Variants in GABBR2 observed in about 807,000 individuals in gnomAD.
The protein encoded by GABBR2 is gamma-aminobutyric acid type B receptor subunit 2, also known as G-protein coupled receptor 51.
Under a neutral mutation model 105.6 loss-of-function variants are expected in GABBR2, and 23 were observed. The ratio of observed to expected loss-of-function variants is 0.22; its 90% CI spans 0.16 to 0.31. GABBR2 has a LOEUF of 0.31. GABBR2 is among the 10% of genes least tolerant of loss of function. The pLI, the probability that GABBR2 is intolerant of heterozygous loss-of-function variation, is 1.00. For synonymous variants in GABBR2, 478 were observed against 499.7 expected (o/e 0.96, Z 0.58); for missense variants, 734 against 1,245.5 (o/e 0.59, Z 6.18).
chr9:98,463,735 C>T (rs139377575), intron 6 of GABBR2, among the ~76,000 whole-genome samples: 6,051 of 152,076 alleles, frequency 0.04, 397 homozygotes, highest in African/African-American at 0.14. Context: ...CCTCGGGCTC[C>T]GGTGATTCTC....
intron 1 of GABBR2, among the ~76,000 whole-genome samples, chr9:98,593,268 A>G (rs1168377535): frequency 6.6e-6 from 1 of 152,176 alleles, no homozygotes; most frequent in Non-Finnish European, 1.5e-5. Context: ...CTCTGCACCC[A>G]TTAAACCCTG....
At chr9:98,380,798 A>G (rs887532260) in intron 11 of GABBR2, among the ~76,000 whole-genome samples, 11 of 152,178 alleles carry the variant, frequency 7.2e-5, no homozygotes, top group African/African-American at 2.4e-4. Context: ...GCACTCACAC[A>G]CGCACCCACC....
chr9:98,496,143 T>A, intron 4 of GABBR2: 1 of 470,492 alleles, frequency 2.1e-6, no homozygotes, highest in Non-Finnish European at 3.9e-6. Flanking sequence ...GTGCCCTGCT[T>A]GCCCCTGAGG....
chr9:98,430,204 C>T (rs900001306), intron 7 of GABBR2, among the ~76,000 whole-genome samples: 1 of 149,688 alleles, frequency 6.7e-6, no homozygotes, highest in South Asian at 2.1e-4. Flanking sequence ...GCAGGGGAAT[C>T]GCTTGAACCC....
rs56004009 is a variant in GABBR2 at position 98,318,919 on chromosome 9, GGT to G, written c.1894-7716_1894-7715del. On this transcript the variant is annotated intron_variant, in intron 13 of 18. Coordinates refer to ENST00000259455, the MANE Select transcript of GABBR2 (RefSeq NM_005458.8). ...TGTGTGTGTGTGTGTGTGTGTTGGGGGTGTGTGTGTGTGTGTGGTGTGTGTGT... is the reference window on the plus strand; with the variant it reads ...TGTGTGTGTGTGTGTGTGTGTTGGGGGTGTGTGTGTGTGTGGTGTGTGTGT... 9.1e-4 allele frequency among the ~76,000 whole-genome samples: 117 copies of G among 129,166 alleles called. 1 individual carries two copies. The highest frequency in any genetic ancestry group is 2.4e-3 in the South Asian group (9 of 3,768). The allele number at this position is 129,166 out of a possible 152,430, so 84.7% of individuals were successfully genotyped here. A position where few individuals can be genotyped will look rare whatever the true frequency, so the allele number is the denominator to read the frequency against.
rs550823073 is a variant in GABBR2, at chr9:98,502,330, A to G, written c.631-5816T>C. ...AGGGAGGCTGGTCCCCACTTCTGAG[A>G]AGGCCACAGTGCCACTCCACTGCAA... On this transcript the variant is annotated intron_variant, in intron 3 of 18. Coordinates refer to ENST00000259455, the MANE Select transcript of GABBR2 (RefSeq NM_005458.8). Among the ~76,000 whole-genome samples the G allele has an allele frequency of 5.3e-5, 8 of 152,220 alleles. No individual in the cohort carries two copies. In the South Asian group the frequency reaches 1.2e-3, roughly 24 times the overall value.
chr9:98,601,193 A>G (rs527925169), intron 1 of GABBR2, among the ~76,000 whole-genome samples: 1 of 152,346 alleles, frequency 6.6e-6, no homozygotes, highest in Admixed American at 6.5e-5. Context: ...TAGATTGTCA[A>G]ATTTTATTTT....
At chr9:98,560,412 CACACATAT>C (rs1828651563) in intron 2 of GABBR2, among the ~76,000 whole-genome samples, 2 of 102,598 alleles carry the variant, frequency 1.9e-5, no homozygotes, top group Admixed American at 1.0e-4. Flanking sequence ...TACACACACA[CACACATAT>C]ACACATACAC....
At chr9:98,484,795 G>C (rs1588187935) in intron 4 of GABBR2, among the ~76,000 whole-genome samples, 2 of 152,228 alleles carry the variant, frequency 1.3e-5, no homozygotes, top group South Asian at 2.1e-4. Flanking sequence ...CCACACATGT[G>C]CATGCTCTCA....
intron 13 of GABBR2, among the ~76,000 whole-genome samples, chr9:98,326,469 C>T (rs961469179): frequency 6.6e-6 from 1 of 152,216 alleles, no homozygotes; most frequent in East Asian, 1.9e-4. Flanking sequence ...TGCATATTCT[C>T]AGCTTTTTTA....
Position 98,708,892 on chromosome 9 carries a change from G to T in GABBR2, c.-155C>A, listed in dbSNP as rs1303511979. The T allele has an allele frequency of 9.4e-6, 2 of 213,314 alleles. No individual in the cohort carries two copies. Among genetic ancestry groups the T allele is most frequent in the South Asian group, 1.7e-4 (1 of 5,910 alleles). 13.2% of individuals were successfully genotyped at this position (213,314 alleles called of 1,614,324 possible). A position where few individuals can be genotyped will look rare whatever the true frequency, so the allele number is the denominator to read the frequency against. On this transcript the variant is annotated 5_prime_UTR_variant, in exon 1 of 19. Coordinates refer to ENST00000259455, the MANE Select transcript of GABBR2 (RefSeq NM_005458.8). ...CTAGGGTTCCGGCTCGGCTCAGAAC[G>T]GCCGCGGCGGCGGCGGCGGCAGCGG...
At chr9:98,448,410 A>T (rs543187040) in intron 7 of GABBR2, among the ~76,000 whole-genome samples, 1 of 152,336 alleles carries the variant, frequency 6.6e-6, no homozygotes, top group South Asian at 2.1e-4. Context: ...CTCATAAGGT[A>T]AAATGAGAGT....
At chr9:98,499,824 G>C (rs1827365028) in intron 3 of GABBR2, among the ~76,000 whole-genome samples, 1 of 152,244 alleles carries the variant, frequency 6.6e-6, no homozygotes, top group Non-Finnish European at 1.5e-5. Context: ...GGCCAAGGCG[G>C]GTGGATCACC....
chr9:98,664,612 G>A (rs532247145), intron 1 of GABBR2, among the ~76,000 whole-genome samples: 37 of 152,202 alleles, frequency 2.4e-4, no homozygotes, highest in African/African-American at 7.2e-4. Flanking sequence ...CAGTCTGAAG[G>A]GCCTCTGGAC....
chr9:98,474,163 C>T (rs1446573391), intron 5 of GABBR2, among the ~76,000 whole-genome samples: 2 of 152,098 alleles, frequency 1.3e-5, no homozygotes, highest in Non-Finnish European at 2.9e-5. Flanking sequence ...GAGGAGGAAA[C>T]TGAAAATCAG....
intron 14 of GABBR2, among the ~76,000 whole-genome samples, chr9:98,308,646 C>T (rs1377807362): frequency 6.6e-6 from 1 of 152,084 alleles, no homozygotes; most frequent in Non-Finnish European, 1.5e-5. Context: ...CATGTGGAGA[C>T]AGAGGCAGAA....
chr9:98,321,788 T>C (rs1427861134), intron 13 of GABBR2, among the ~76,000 whole-genome samples: 1 of 152,142 alleles, frequency 6.6e-6, no homozygotes, highest in Non-Finnish European at 1.5e-5. Context: ...GACAGCACAG[T>C]TGTGTGGCTT....
At chr9:98,370,439 G>A (rs545035771) in intron 12 of GABBR2, among the ~76,000 whole-genome samples, 2 of 152,172 alleles carry the variant, frequency 1.3e-5, no homozygotes, top group Non-Finnish European at 2.9e-5. Context: ...GAGCAAGTAA[G>A]GTATTTCCTG....
rs77213774 is a variant in GABBR2, at chr9:98,708,366, C to A, written c.321+51G>T. On this transcript the variant is annotated intron_variant, in intron 1 of 18. Coordinates refer to ENST00000259455, the MANE Select transcript of GABBR2 (RefSeq NM_005458.8). The stretch of plus-strand genomic sequence containing the variant: ...CGGAGGTTGCCTGTGTCCAAACCAC[C>A]CACCCCAATGCCCCCCGAAGCCCCG... 0.097 allele frequency: 127,506 copies of A among 1,307,892 alleles called. 6,561 individuals carry two copies. Among genetic ancestry groups the A allele is most frequent in the Non-Finnish European group, 0.11 (108,018 of 1,017,024 alleles). The allele number at this position is 1,307,892 out of a possible 1,614,324, so 81.0% of individuals were successfully genotyped here. A position where few individuals can be genotyped will look rare whatever the true frequency, so the allele number is the denominator to read the frequency against.
Sources: allele counts gnomAD v4.1 joint callset (sites outside exome capture counted in the v4.1 genomes callset), GRCh38; gene constraint gnomAD v4.1.1; transcripts MANE v1.5; gene names NCBI Gene and HGNC (gene_info 2026-07-23, HGNC 2026-07-21).